Variants in ZNF22 observed in about 807,000 individuals in gnomAD.
The protein encoded by ZNF22 is zinc finger protein 22.
In ZNF22, 15 loss-of-function variants were observed where a neutral mutation model predicts 17.0. That is an observed-to-expected ratio of 0.88 (90% CI 0.59 to 1.36). ZNF22 has a LOEUF of 1.36. ZNF22 is among the 40% of genes most tolerant of loss of function. The pLI is 0.00. For synonymous variants in ZNF22, 84 were observed against 90.7 expected, an observed-to-expected ratio of 0.93 and a Z score of 0.42; for missense variants, 272 against 276.1, an observed-to-expected ratio of 0.98 and a Z score of 0.11.
chr10:45,004,026 G>T lies in ZNF22; in HGVS notation c.658G>T (p.Val220Leu). 6.2e-7 allele frequency: 1 copy of T among 1,611,012 alleles called. No individual in the cohort carries two copies. The highest frequency in any genetic ancestry group is 8.5e-7 in the Non-Finnish European group (1 of 1,178,140). ...SWKAGTGRKSVAGLR is the reference protein window; with the variant it reads ...SWKAGTGRKSLAGLR ...GAAAGCTGGTACAGGAAGGAAGTCT[G>T]TGGCTGGTCTCCGTTAAGTATAGGG... The change falls in exon 2 of 2, where the codon GTG becomes TTG. Residue 220 changes from valine to leucine, a missense_variant. Transcript: ENST00000298299.
At position 45,003,588 on chromosome 10, in the gene ZNF22, C is replaced by T; in HGVS notation, c.220C>T (p.Gln74Ter). ...TCAGAGTTCAACTCTTTTTCAACAC[C>T]AGAAGATCCATACTGGAAAGAAATC... ...FSQSSTLFQHQKIHTGKKSHK... is the reference protein window; with the variant it reads ...FSQSSTLFQH The change falls in exon 2 of 2, where the codon CAG (glutamine) becomes TAG (stop). Residue 74 changes from glutamine (Q) to a stop codon, truncating the protein, a stop_gained. Transcript: ENST00000298299. LOFTEE classifies it high-confidence loss of function. The T allele has an allele frequency of 1.9e-6, 3 of 1,614,134 alleles. No individual in the cohort carries two copies. The highest frequency in any genetic ancestry group is 2.5e-6 in the Non-Finnish European group (3 of 1,180,004).
At position 45,004,182 on chromosome 10, in the gene ZNF22, T is replaced by G. The variant is rs1360626383; in HGVS notation, c.*139T>G. 1 of 967,124 alleles carries G rather than the reference T, an allele frequency of 1.0e-6. No individual in the cohort carries two copies. Among genetic ancestry groups the G allele is most frequent in the Admixed American group, 3.3e-5 (1 of 30,062 alleles). 59.9% of individuals were successfully genotyped at this position (967,124 alleles called of 1,614,324 possible). A position where few individuals can be genotyped will look rare whatever the true frequency, so the allele number is the denominator to read the frequency against. The stretch of plus-strand genomic sequence containing the variant: ...GGATCTTTTGCTAGTGTGAAAACAT[T>G]GGGAATTTAATGACATTATTGAGCT... On this transcript the variant is annotated 3_prime_UTR_variant, in exon 2 of 2. Transcript: ENST00000298299.
At chr10:45,001,583 A>G (rs1842333246) in intron 1 of ZNF22, among the ~76,000 whole-genome samples, 1 of 152,196 alleles carries the variant, frequency 6.6e-6, no homozygotes, top group Non-Finnish European at 1.5e-5. Flanking sequence ...TGGACTGAGC[A>G]ATGGAAGATG....
chr10:45,003,821 CT>C lies in ZNF22; in HGVS notation c.454del (p.Ser152ProfsTer31). ...DECGRCFSQS[S>X]HLIQHQRTHT... ...AGTGTGGCCGGTGTTTCAGCCAGAG[CT>C]CCCACCTTATTCAACATCAGAGAAC... On this transcript the variant is annotated frameshift_variant, in exon 2 of 2. Coordinates refer to ENST00000298299, the MANE Select transcript of ZNF22 (RefSeq NM_006963.5). LOFTEE classifies it high-confidence loss of function. 1.2e-6 allele frequency: 2 copies of C among 1,614,152 alleles called. No homozygotes were observed. The highest frequency in any genetic ancestry group is 1.7e-6 in the Non-Finnish European group (2 of 1,180,004).
intron 1 of ZNF22, 123 bp from the exon 2 acceptor site, chr10:45,003,157 C>CT: frequency 7.2e-6 from 3 of 416,310 alleles, no homozygotes; most frequent in Non-Finnish European, 1.3e-5. Context: ...TGCATTTATA[C>CT]TTTTTAAATT....
Position 45,003,842 on chromosome 10 carries a change from G to C in ZNF22, c.474G>C (p.Gln158His). ...AGAGCTCCCACCTTATTCAACATCAGAGAACCCACACTGGGGAGAAACCCT... is the reference window on the plus strand; with the variant it reads ...AGAGCTCCCACCTTATTCAACATCACAGAACCCACACTGGGGAGAAACCCT... ...FSQSSHLIQH[Q>H]RTHTGEKPYQ... The change falls in exon 2 of 2, where the codon CAG (glutamine) becomes CAC (histidine). Residue 158 changes from glutamine (Q) to histidine (H), a missense_variant. Transcript: ENST00000298299. 1 of 1,614,140 alleles carries C rather than the reference G, an allele frequency of 6.2e-7. No individual in the cohort carries two copies. Among genetic ancestry groups the C allele is most frequent in the African/African-American group, 1.3e-5 (1 of 75,036 alleles).
At position 45,003,625 on chromosome 10, in the gene ZNF22, C is replaced by T. The variant is rs745423987; in HGVS notation, c.257C>T (p.Ala86Val). 1 of 1,614,194 alleles carries T rather than the reference C, an allele frequency of 6.2e-7. No homozygotes were observed. Among genetic ancestry groups the T allele is most frequent in the Non-Finnish European group, 8.5e-7 (1 of 1,180,042 alleles). ...IHTGKKSHKC[A>V]DCGKSFFQSS... ...ACTGGAAAGAAATCCCATAAATGTG[C>T]TGATTGTGGGAAAAGTTTCTTTCAG... is the stretch of plus-strand genomic sequence containing the variant. The change falls in exon 2 of 2, where the codon GCT becomes GTT. Residue 86 changes from alanine to valine, a missense_variant. Ala to Val is a moderately conservative substitution (Grantham distance 64). Coordinates refer to ENST00000298299, the MANE Select transcript of ZNF22 (RefSeq NM_006963.5).
At position 45,003,716 on chromosome 10, in the gene ZNF22, T is replaced by C; in HGVS notation, c.348T>C (p.Cys116=). 1 of 1,614,200 alleles carries C rather than the reference T, an allele frequency of 6.2e-7. No homozygotes were observed. Among genetic ancestry groups the C allele is most frequent in the Non-Finnish European group, 8.5e-7 (1 of 1,180,034 alleles). ...AAAAGCCCTACAAATGTGATGAGTGTGGAGAAAGCTTCAAACAGAGCTCAA... is the reference window on the plus strand; with the variant it reads ...AAAAGCCCTACAAATGTGATGAGTGCGGAGAAAGCTTCAAACAGAGCTCAA... ...TGEKPYKCDE[C]GESFKQSSNL... The change falls in exon 2 of 2, where the codon TGT becomes TGC. Residue 116 remains cysteine (C), a synonymous_variant. Coordinates refer to ENST00000298299, the MANE Select transcript of ZNF22 (RefSeq NM_006963.5).
Position 45,003,299 on chromosome 10 carries a change from C to T in ZNF22, c.-70C>T, listed in dbSNP as rs1842348133. The T allele has an allele frequency of 4.8e-6, 7 of 1,465,446 alleles. No individual in the cohort carries two copies. In the East Asian group the frequency reaches 1.6e-4, roughly 33 times the overall value. 90.8% of individuals were successfully genotyped at this position (1,465,446 alleles called of 1,614,324 possible). ...ACACAGAAAATTCTGAGCTGTACAC[C>T]TCTAGGAAATGAAACACTAGTTCAG... On this transcript the variant is annotated 5_prime_UTR_variant, in exon 2 of 2. Transcript: ENST00000298299.
At chr10:45,001,677 G>C (rs188083225) in intron 1 of ZNF22, among the ~76,000 whole-genome samples, 7 of 152,222 alleles carry the variant, frequency 4.6e-5, no homozygotes, top group Admixed American at 2.6e-4. Flanking sequence ...TTGTGCCCTC[G>C]TTTCCTTAAC....
Position 45,003,671 on chromosome 10 carries a change from T to A in ZNF22, c.303T>A (p.His101Gln), listed in dbSNP as rs768346869. 5 of 1,614,260 alleles carry A rather than the reference T, an allele frequency of 3.1e-6. No homozygotes were observed. In the South Asian group the frequency reaches 5.5e-5, roughly 18 times the overall value. The part of the protein sequence containing the change: ...SFFQSSNLIQ[H>Q]RRIHTGEKPY... ...TTCAGAGTTCTAATCTCATTCAGCATCGACGGATCCATACGGGGGAAAAGC... is the reference window on the plus strand; with the variant it reads ...TTCAGAGTTCTAATCTCATTCAGCAACGACGGATCCATACGGGGGAAAAGC... The change falls in exon 2 of 2, where the codon CAT becomes CAA. Residue 101 changes from histidine (H) to glutamine (Q), a missense_variant. By Grantham distance (24) the His-to-Gln change is conservative. Transcript: ENST00000298299.
In ZNF22 at chr10:45,000,972, C is replaced by T. The variant is rs1842322961; in HGVS notation, c.-96C>T. On this transcript the variant is annotated 5_prime_UTR_variant, in exon 1 of 2. Transcript: ENST00000298299. ...CAGCGAGCCAGAGTGGTGGCTGGTC[C>T]CGCGCGGTGAGTGGGATTGGGGCAC... The T allele has an allele frequency of 7.2e-6, 6 of 830,908 alleles. No homozygotes were observed. In the South Asian group the frequency reaches 7.3e-5, roughly 10 times the overall value. 51.5% of individuals were successfully genotyped at this position (830,908 alleles called of 1,614,324 possible).
At chr10:45,001,895 AAAGC>A (rs1322447500) in intron 1 of ZNF22, among the ~76,000 whole-genome samples, 47 of 151,958 alleles carry the variant, frequency 3.1e-4, no homozygotes, top group African/African-American at 1.1e-3. Context: ...AAAAAAAAAA[AAAGC>A]AACACCAACA....
Position 45,004,612 on chromosome 10 carries a change from ATTAG to A in ZNF22, c.*572_*575del, listed in dbSNP as rs148623759. ...TTTTTAATCAGTAAGGCCTATCTATATTAGTTGTCTTTTATTTCTTCTCCTTGTG... is the reference window on the plus strand; with the variant it reads ...TTTTTAATCAGTAAGGCCTATCTATATTGTCTTTTATTTCTTCTCCTTGTG... On this transcript the variant is annotated 3_prime_UTR_variant, in exon 2 of 2. Transcript: ENST00000298299. 0.038 allele frequency: 6,296 copies of A among 166,684 alleles called. 136 individuals are homozygous for A. The highest frequency in any genetic ancestry group is 0.08 in the East Asian group (413 of 5,188). 10.3% of individuals were successfully genotyped at this position (166,684 alleles called of 1,614,324 possible). A position where few individuals can be genotyped will look rare whatever the true frequency, so the allele number is the denominator to read the frequency against.
In ZNF22 at chr10:45,004,116, T is replaced by G. The variant is rs1245132903; in HGVS notation, c.*73T>G. The G allele has an allele frequency of 6.9e-7, 1 of 1,457,178 alleles. No individual in the cohort carries two copies. The highest frequency in any genetic ancestry group is 9.2e-7 in the Non-Finnish European group (1 of 1,083,424). 90.3% of individuals were successfully genotyped at this position (1,457,178 alleles called of 1,614,324 possible). On this transcript the variant is annotated 3_prime_UTR_variant, in exon 2 of 2. Transcript: ENST00000298299. ...AAAGTAAAAAATGAAAGGAATCTTT[T>G]TTAGAAATAGAGATGCTTTATAGTA...
In ZNF22 at chr10:45,003,975, A is replaced by G. The variant is rs1471585605; in HGVS notation, c.607A>G (p.Arg203Gly). Residue 203 changes from arginine to glycine, a missense_variant, in exon 2 of 2, where the codon AGG (arginine) becomes GGG (glycine). By Grantham distance (125) the Arg-to-Gly change is moderately radical (BLOSUM62 -2). Coordinates refer to ENST00000298299, the MANE Select transcript of ZNF22 (RefSeq NM_006963.5). ...TCGTAAAACCCGGGGCAAAAATATC[A>G]GGGTGAAGACTCACTTACCCTCTTG... Reference protein sequence around the residue: ...KPRKTRGKNIRVKTHLPSWKA... With the variant: ...KPRKTRGKNIGVKTHLPSWKA... 2 of 1,614,032 alleles carry G rather than the reference A, an allele frequency of 1.2e-6. No homozygotes were observed. The highest frequency in any genetic ancestry group is 2.7e-5 in the African/African-American group (2 of 74,936).
At chr10:45,002,148 C>T (rs992581510) in intron 1 of ZNF22, 9 of 152,132 alleles carry the variant, frequency 5.9e-5, no homozygotes, top group Admixed American at 4.6e-4. Flanking sequence ...CATTTATTTG[C>T]TTTATATGTT....
chr10:45,004,599 A>G lies in ZNF22; in HGVS notation c.*556A>G, dbSNP rs1428259426. 6.0e-6 allele frequency: 1 copy of G among 166,878 alleles called. No homozygotes were observed. The highest frequency in any genetic ancestry group is 1.9e-4 in the East Asian group (1 of 5,180). 10.3% of individuals were successfully genotyped at this position (166,878 alleles called of 1,614,324 possible). A position where few individuals can be genotyped will look rare whatever the true frequency, so the allele number is the denominator to read the frequency against. ...TCAAGCTCACAGATTTTTAATCAGTAAGGCCTATCTATATTAGTTGTCTTT... is the reference window on the plus strand; with the variant it reads ...TCAAGCTCACAGATTTTTAATCAGTGAGGCCTATCTATATTAGTTGTCTTT... On this transcript the variant is annotated 3_prime_UTR_variant, in exon 2 of 2. Coordinates refer to ENST00000298299, the MANE Select transcript of ZNF22 (RefSeq NM_006963.5).
chr10:45,004,781 A>T lies in ZNF22; in HGVS notation c.*738A>T, dbSNP rs1715166350. ...TCAAGTCTTCTATTCCTACTAATAG[A>T]GTTCTTTGTGATGGTAACTGCTGTG... On this transcript the variant is annotated 3_prime_UTR_variant, in exon 2 of 2. Transcript: ENST00000298299. 1 of 167,038 alleles carries T rather than the reference A, an allele frequency of 6.0e-6. No individual in the cohort carries two copies. The highest frequency in any genetic ancestry group is 6.5e-5 in the Admixed American group (1 of 15,282). The allele number at this position is 167,038 out of a possible 1,614,324, so 10.3% of individuals were successfully genotyped here. A position where few individuals can be genotyped will look rare whatever the true frequency, so the allele number is the denominator to read the frequency against.
Sources: allele counts gnomAD v4.1 joint callset (sites outside exome capture counted in the v4.1 genomes callset), GRCh38; gene constraint gnomAD v4.1.1; transcripts MANE v1.5; gene names NCBI Gene and HGNC (gene_info 2026-07-23, HGNC 2026-07-21).